Variants in CSMD1 observed in about 807,000 individuals in gnomAD.
CSMD1 encodes CUB and sushi domain-containing protein 1.
A neutral mutation model predicts 417.5 loss-of-function variants in CSMD1; 213 were observed. The observed-to-expected ratio is 0.51, with a 90% CI of 0.46 to 0.57. The LOEUF (loss-of-function observed/expected upper bound fraction) is 0.57, where lower values mean the gene tolerates loss of function less well. CSMD1 is among the 20% of genes least tolerant of loss of function. The pLI, the probability that CSMD1 is intolerant of heterozygous loss-of-function variation, is 0.00. For missense variants in CSMD1, 6,923 were observed against 4,529.7 expected (o/e 1.53, Z -15.17); for synonymous variants, 2,862 against 1,736.8 (o/e 1.65, Z -16.11).
chr8:4,181,198 C>CA (rs1798351765), intron 3 of CSMD1, among the ~76,000 whole-genome samples: 1 of 152,008 alleles, frequency 6.6e-6, no homozygotes, highest in Admixed American at 6.6e-5. Context: ...AATAGACATC[C>CA]CATATAGCAC....
intron 1 of CSMD1, among the ~76,000 whole-genome samples, chr8:4,924,434 A>G (rs1228572597): frequency 2.0e-5 from 3 of 152,180 alleles, no homozygotes; most frequent in African/African-American, 4.8e-5. Context: ...ATAAGTATAA[A>G]ACCTACAGCC....
chr8:3,994,615 C>G (rs911749149), intron 5 of CSMD1, among the ~76,000 whole-genome samples: 3 of 151,794 alleles, frequency 2.0e-5, no homozygotes, highest in Admixed American at 2.0e-4. Flanking sequence ...AATTAGAATC[C>G]GACTAGTTAA....
intron 7 of CSMD1, among the ~76,000 whole-genome samples, chr8:3,644,099 C>G (rs1374706175): frequency 6.6e-6 from 1 of 152,182 alleles, no homozygotes; most frequent in Non-Finnish European, 1.5e-5. Context: ...CCCTTCTACA[C>G]CAGAAACATC....
intron 3 of CSMD1, among the ~76,000 whole-genome samples, chr8:4,052,214 C>T (rs1004459558): frequency 8.5e-5 from 13 of 152,244 alleles, no homozygotes; most frequent in Admixed American, 7.9e-4. Flanking sequence ...CATGAGCCAC[C>T]GTGCCCACCC....
Position 3,754,036 on chromosome 8 carries a change from A to C in CSMD1, c.825T>G (p.Thr275=). ...TAACTGGAGAGGGGAGGTTCATGCC[A>C]GTTAGCCTAGAGAAGAGAAAGAGGA... ...SGTEAPSIWL[T]GMNLPSPVIS... Residue 275 remains threonine, a synonymous_variant, in exon 6 of 70, where the codon ACT becomes ACG. Coordinates refer to ENST00000635120, the MANE Select transcript of CSMD1 (RefSeq NM_033225.6). The C allele has an allele frequency of 6.2e-7, 1 of 1,610,882 alleles. No individual in the cohort carries two copies. Among genetic ancestry groups the C allele is most frequent in the East Asian group, 2.2e-5 (1 of 44,834 alleles).
At chr8:3,147,037 A>G (rs1004224356) in intron 40 of CSMD1, among the ~76,000 whole-genome samples, 13 of 151,414 alleles carry the variant, frequency 8.6e-5, no homozygotes, top group Non-Finnish European at 1.5e-4. Context: ...TATATTCCGG[A>G]TAAGTGTTAT....
At chr8:4,197,852 C>A (rs770401051) in intron 3 of CSMD1, among the ~76,000 whole-genome samples, 1 of 152,158 alleles carries the variant, frequency 6.6e-6, no homozygotes, top group Non-Finnish European at 1.5e-5. Flanking sequence ...ACACTCCAGC[C>A]TGGGCAACAG....
rs112413145 is a variant in CSMD1, at chr8:3,458,198, T to A, written c.1561+10514A>T. Among the ~76,000 whole-genome samples, 440 of 152,288 alleles carry A rather than the reference T, an allele frequency of 2.9e-3. 10 individuals carry two copies. Among genetic ancestry groups the A allele is most frequent in the Admixed American group, 0.027 (406 of 15,290 alleles). On this transcript the variant is annotated intron_variant, in intron 12 of 69. Coordinates refer to ENST00000635120, the MANE Select transcript of CSMD1 (RefSeq NM_033225.6). Reference sequence around the variant, plus strand: ...TACATGTTGGGAAGGGAGAGTGCAATGTAGCTGGAGCTAACGGGCCACTAA... The same window carrying A: ...TACATGTTGGGAAGGGAGAGTGCAAAGTAGCTGGAGCTAACGGGCCACTAA...
intron 33 of CSMD1, among the ~76,000 whole-genome samples, chr8:3,198,700 C>T (rs928928532): frequency 6.6e-6 from 1 of 152,046 alleles, no homozygotes; most frequent in African/African-American, 2.4e-5. Flanking sequence ...ATGAATTTCC[C>T]AATTTGAGAT....
intron 3 of CSMD1, among the ~76,000 whole-genome samples, chr8:4,343,850 A>G (rs10113790): frequency 0.18 from 27,164 of 152,100 alleles, 3,076 homozygotes; most frequent in African/African-American, 0.33. Flanking sequence ...TTTCTCGTAC[A>G]TCTCCTGTAG....
chr8:3,272,162 T>A (rs936752906), intron 26 of CSMD1, among the ~76,000 whole-genome samples: 50 of 147,208 alleles, frequency 3.4e-4, no homozygotes, highest in African/African-American at 1.2e-3. Context: ...TAGCCAGTTT[T>A]CCCAGCACCA....
chr8:3,123,935 T>A (rs772527522), intron 41 of CSMD1, among the ~76,000 whole-genome samples: 9 of 152,202 alleles, frequency 5.9e-5, no homozygotes, highest in Non-Finnish European at 1.3e-4. Flanking sequence ...TAAGTTCTTT[T>A]TTGGGATAGG....
intron 5 of CSMD1, among the ~76,000 whole-genome samples, chr8:3,855,622 G>C (rs927378456): frequency 1.3e-5 from 2 of 152,094 alleles, no homozygotes; most frequent in Non-Finnish European, 2.9e-5. Context: ...TAATTCCTAT[G>C]ACAGTTTACT....
At chr8:3,715,997 C>G (rs1050362497) in intron 6 of CSMD1, among the ~76,000 whole-genome samples, 2 of 152,214 alleles carry the variant, frequency 1.3e-5, no homozygotes, top group African/African-American at 4.8e-5. Flanking sequence ...CCCATTCTCT[C>G]TTAAATCTCA....
chr8:4,481,974 A>G (rs1801123510), intron 2 of CSMD1, among the ~76,000 whole-genome samples: 1 of 152,160 alleles, frequency 6.6e-6, no homozygotes, highest in South Asian at 2.1e-4. Context: ...TAGCTGCTAT[A>G]TTATATAGGC....
intron 26 of CSMD1, among the ~76,000 whole-genome samples, chr8:3,236,726 T>A (rs2116941765): frequency 6.6e-6 from 1 of 152,292 alleles, no homozygotes; most frequent in African/African-American, 2.4e-5. Flanking sequence ...ACTTCACTCA[T>A]TTTTCTCTTA....
At position 3,075,430 on chromosome 8, in the gene CSMD1, C is replaced by A. The variant is rs565380630; in HGVS notation, c.7474+11667G>T. Reference sequence around the variant, plus strand: ...CCAAGTAGCTGGGATTACAGGCATGCACCACCATGCCTGGCTAATTTTGTA... The same window carrying A: ...CCAAGTAGCTGGGATTACAGGCATGAACCACCATGCCTGGCTAATTTTGTA... On this transcript the variant is annotated intron_variant, in intron 49 of 69. Coordinates refer to ENST00000635120, the MANE Select transcript of CSMD1 (RefSeq NM_033225.6). Among the ~76,000 whole-genome samples the A allele has an allele frequency of 2.0e-5, 3 of 151,784 alleles. No homozygotes were observed. In the East Asian group the frequency reaches 5.9e-4, roughly 30 times the overall value.
chr8:4,591,428 C>G (rs752958487), intron 2 of CSMD1, among the ~76,000 whole-genome samples: 24 of 152,126 alleles, frequency 1.6e-4, no homozygotes, highest in Non-Finnish European at 2.6e-4. Context: ...GCATTCCAAA[C>G]AGAAATGAGC....
At position 4,444,301 on chromosome 8, in the gene CSMD1, C is replaced by A. The variant is rs144463495; in HGVS notation, c.303-24236G>T. On this transcript the variant is annotated intron_variant, in intron 2 of 69. Coordinates refer to ENST00000635120, the MANE Select transcript of CSMD1 (RefSeq NM_033225.6). ...GGTGGACGTTGCAGTGAACTGAGAT[C>A]TCGCGACTTCACTCAAGCCTGGGCT... Among the ~76,000 whole-genome samples, 112 of 132,890 alleles carry A rather than the reference C, an allele frequency of 8.4e-4. 1 individual carries two copies. The East Asian group carries it at 0.024, about 29-fold the overall frequency. The allele number at this position is 132,890 out of a possible 152,430, so 87.2% of individuals were successfully genotyped here. A position where few individuals can be genotyped will look rare whatever the true frequency, so the allele number is the denominator to read the frequency against.
Sources: gnomAD v4.1 joint callset for allele counts (sites outside exome capture counted in the v4.1 genomes callset) on GRCh38, gnomAD v4.1.1 for gene constraint, MANE v1.5 for transcripts, NCBI Gene and HGNC (gene_info 2026-07-23, HGNC 2026-07-21) for gene names.